Variants in ZCCHC14 observed in about 807,000 individuals in gnomAD.
ZCCHC14 encodes zinc finger CCHC domain-containing protein 14.
Under a neutral mutation model 85.0 loss-of-function variants are expected in ZCCHC14, and 16 were observed. The ratio of observed to expected loss-of-function variants is 0.19; its 90% CI spans 0.13 to 0.29. The LOEUF is 0.29. Among genes scored for constraint, ZCCHC14 ranks in the 10% least tolerant of loss-of-function variants. The pLI is 1.00. For synonymous variants in ZCCHC14, 775 were observed against 630.7 expected (o/e 1.23, Z -3.43); for missense variants, 1,303 against 1,443.5 (o/e 0.90, Z 1.58).
chr16:87,470,111 A>C (rs1009376464), intron 1 of ZCCHC14, among the ~76,000 whole-genome samples: 1 of 151,660 alleles, frequency 6.6e-6, no homozygotes, highest in African/African-American at 2.4e-5. Context: ...GACAGGTGGA[A>C]CTCCTGAGGT....
chr16:87,456,457 C>T (rs567523725), intron 2 of ZCCHC14, among the ~76,000 whole-genome samples: 280 of 135,316 alleles, frequency 2.1e-3, no homozygotes, highest in Non-Finnish European at 3.4e-3. Flanking sequence ...GGCGTGAACC[C>T]GGGAGGCGGA....
chr16:87,420,574 G>A lies in ZCCHC14; in HGVS notation c.950+33C>T, dbSNP rs781305569. 6.8e-5 allele frequency: 106 copies of A among 1,566,562 alleles called. No homozygotes were observed. The highest frequency in any genetic ancestry group is 3.6e-4 in the Middle Eastern group (2 of 5,510). On this transcript the variant is annotated intron_variant, in intron 5 of 12. Coordinates refer to ENST00000671377, the MANE Select transcript of ZCCHC14 (RefSeq NM_015144.3). This position sits in a 1 kb window ranked among gnomAD's most constrained non-coding sequence, Gnocchi z 5.0. The stretch of plus-strand genomic sequence containing the variant: ...CAGGACCAGCCTGTCCTTGCCAGCT[G>A]TGGACGCGCCGGGTGCCTGGTAAGG...
Position 87,412,657 on chromosome 16 carries a change from C to T in ZCCHC14, c.2064G>A (p.Val688=). 6.2e-7 allele frequency: 1 copy of T among 1,614,206 alleles called. No homozygotes were observed. The change falls in exon 12 of 13, where the codon GTG becomes GTA. Residue 688 remains valine, a synonymous_variant. Coordinates refer to ENST00000671377, the MANE Select transcript of ZCCHC14 (RefSeq NM_015144.3). ...KGSGPRSSMK[V]DKSFGSAMMD... is the part of the protein sequence containing the mutation. ...TCATGGCGCTGCCAAAGCTCTTGTC[C>T]ACTTTCATGCTGCTTCTTGGTCCAG...
chr16:87,476,174 C>G (rs1294156034), intron 1 of ZCCHC14, among the ~76,000 whole-genome samples: 1 of 152,146 alleles, frequency 6.6e-6, no homozygotes, highest in Non-Finnish European at 1.5e-5. Flanking sequence ...TAAAAGAAAA[C>G]TAAGAGCCTT....
At chr16:87,486,559 T>C (rs941841302) in intron 1 of ZCCHC14, among the ~76,000 whole-genome samples, 2 of 152,244 alleles carry the variant, frequency 1.3e-5, no homozygotes, top group Admixed American at 6.5e-5. Flanking sequence ...AACGTATCTG[T>C]GTCCTTAAGC....
At chr16:87,462,551 T>G (rs1441279202) in intron 1 of ZCCHC14, among the ~76,000 whole-genome samples, 1 of 149,858 alleles carries the variant, frequency 6.7e-6, no homozygotes, top group African/African-American at 2.5e-5. Flanking sequence ...CCATCCTGGC[T>G]AACACGGTGA....
intron 8 of ZCCHC14, among the ~76,000 whole-genome samples, chr16:87,416,985 A>C (rs1362914261): frequency 6.6e-6 from 1 of 152,186 alleles, no homozygotes; most frequent in Non-Finnish European, 1.5e-5. Flanking sequence ...ACTGACATCA[A>C]GACTTAAGAA....
At chr16:87,448,127 C>T (rs907724651) in intron 2 of ZCCHC14, among the ~76,000 whole-genome samples, 3 of 152,168 alleles carry the variant, frequency 2.0e-5, no homozygotes, top group Non-Finnish European at 2.9e-5. Context: ...CAATCATTAA[C>T]GTCTTCCATT....
chr16:87,458,246 C>G (rs1911071964), intron 2 of ZCCHC14, among the ~76,000 whole-genome samples: 1 of 152,180 alleles, frequency 6.6e-6, no homozygotes, highest in South Asian at 2.1e-4. Context: ...CACTCCACGG[C>G]AGGCCTTTCT....
rs778729543 is a variant in ZCCHC14, at chr16:87,417,762, G to A, written c.1101-20C>T. 7 of 1,552,222 alleles carry A rather than the reference G, an allele frequency of 4.5e-6. No homozygotes were observed. The South Asian group carries it at 4.8e-5, about 11-fold the overall frequency. On this transcript the variant is annotated intron_variant, in intron 7 of 12. Transcript: ENST00000671377. ...ACAGGCCTGTGGGACAGGGGCAGGA[G>A]GGACACAGAGAGACTGTGGCTTCCA...
intron 2 of ZCCHC14, among the ~76,000 whole-genome samples, chr16:87,453,691 A>T (rs997688432): frequency 6.6e-6 from 1 of 152,376 alleles, no homozygotes; most frequent in Admixed American, 6.5e-5. Context: ...TCCCTGTTGC[A>T]AGAGAGAAAC....
At chr16:87,436,022 C>T (rs1909903843) in intron 2 of ZCCHC14, among the ~76,000 whole-genome samples, 1 of 152,168 alleles carries the variant, frequency 6.6e-6, no homozygotes. Context: ...TTTTAAACAA[C>T]ATATAGTGTC....
intron 1 of ZCCHC14, among the ~76,000 whole-genome samples, chr16:87,488,691 C>T (rs1456220338): frequency 6.6e-6 from 1 of 152,212 alleles, no homozygotes; most frequent in Non-Finnish European, 1.5e-5. Flanking sequence ...AATCATCCCA[C>T]CTCGGCCTCC....
intron 1 of ZCCHC14, among the ~76,000 whole-genome samples, chr16:87,480,360 G>C (rs1236188908): frequency 6.6e-6 from 1 of 151,940 alleles, no homozygotes; most frequent in East Asian, 1.9e-4. Flanking sequence ...CCGAGATTGC[G>C]CCACTGCACT....
At chr16:87,447,314 T>A (rs1468340269) in intron 2 of ZCCHC14, among the ~76,000 whole-genome samples, 1 of 152,040 alleles carries the variant, frequency 6.6e-6, no homozygotes, top group Non-Finnish European at 1.5e-5. Context: ...GTTTTTTTTT[T>A]AATTTGAGGC....
chr16:87,414,909 G>C (rs979459571), intron 9 of ZCCHC14, among the ~76,000 whole-genome samples: 1 of 151,976 alleles, frequency 6.6e-6, no homozygotes, highest in Non-Finnish European at 1.5e-5. Context: ...GGTAAAACCC[G>C]GTCTCTTCTA....
intron 1 of ZCCHC14, among the ~76,000 whole-genome samples, chr16:87,489,992 T>C (rs1485564486): frequency 6.6e-6 from 1 of 152,264 alleles, no homozygotes; most frequent in African/African-American, 2.4e-5. Context: ...CATGAATAGG[T>C]GACAATTTGC....
chr16:87,476,042 T>G (rs1911990313), intron 1 of ZCCHC14, among the ~76,000 whole-genome samples: 1 of 152,216 alleles, frequency 6.6e-6, no homozygotes, highest in Admixed American at 6.5e-5. Context: ...AGCAGAGCCC[T>G]GGAGGAGAGA....
At chr16:87,457,366 G>A (rs185824329) in intron 2 of ZCCHC14, among the ~76,000 whole-genome samples, 1 of 152,198 alleles carries the variant, frequency 6.6e-6, no homozygotes, top group African/African-American at 2.4e-5. Context: ...CATTAGCTCT[G>A]GCTTTGAATC....
Sources: allele counts gnomAD v4.1 joint callset (sites outside exome capture counted in the v4.1 genomes callset), GRCh38; gene constraint gnomAD v4.1.1; non-coding constraint Gnocchi (gnomAD v3.1); transcripts MANE v1.5; gene names NCBI Gene and HGNC (gene_info 2026-07-23, HGNC 2026-07-21).